Variants in PHACTR3 observed in about 807,000 individuals in gnomAD.
PHACTR3 encodes protein phosphatase 1, regulatory subunit 123.
PHACTR3 carries 16 observed loss-of-function variants against 66.8 expected under a neutral mutation model. The observed-to-expected ratio is 0.24, with a 90% CI of 0.16 to 0.36. The LOEUF (loss-of-function observed/expected upper bound fraction) is 0.36, where lower values mean the gene tolerates loss of function less well. Among genes scored for constraint, PHACTR3 ranks in the 10% least tolerant of loss-of-function variants. The probability of loss-of-function intolerance (pLI) is 1.00; values close to 1 mark genes in which losing one functional copy is unlikely to be tolerated. For synonymous variants in PHACTR3, 323 were observed against 292.1 expected (o/e 1.11, Z -1.08); for missense variants, 647 against 719.9 (o/e 0.90, Z 1.16).
chr20:59,798,979 T>C lies in PHACTR3; in HGVS notation c.1175-7062T>C, dbSNP rs1361279. On this transcript the variant is annotated intron_variant, in intron 7 of 12. Transcript: ENST00000371015. ...TTTCCCTGTTACCATTATTTTGATA[T>C]ATTGTATTTTCATTTGTTTCAAAAC... 6.5e-3 allele frequency among the ~76,000 whole-genome samples: 985 copies of C among 152,282 alleles called. 11 individuals carry two copies. Among genetic ancestry groups the C allele is most frequent in the African/African-American group, 0.022 (922 of 41,596 alleles).
intron 1 of PHACTR3, among the ~76,000 whole-genome samples, chr20:59,677,459 T>C (rs1008762006): frequency 4.6e-5 from 7 of 152,186 alleles, no homozygotes; most frequent in Non-Finnish European, 1.0e-4. Flanking sequence ...AAGTTGGATG[T>C]CTGGAGTTGG....
intron 1 of PHACTR3, among the ~76,000 whole-genome samples, chr20:59,742,695 ACT>A (rs1297788853): frequency 6.6e-6 from 1 of 151,962 alleles, no homozygotes; most frequent in Non-Finnish European, 1.5e-5. Flanking sequence ...GAAGGTAAAG[ACT>A]CTGGACAAAG....
chr20:59,728,955 TAAG>T (rs1434041714), intron 1 of PHACTR3, among the ~76,000 whole-genome samples: 2 of 152,086 alleles, frequency 1.3e-5, no homozygotes, highest in Admixed American at 6.6e-5. Context: ...ACCCAAGTGA[TAAG>T]AAGGAGGCAG....
At position 59,847,399 on chromosome 20, in the gene PHACTR3, T is replaced by A. The variant is rs1194288441; in HGVS notation, c.*269T>A. 1 of 340,146 alleles carries A rather than the reference T, an allele frequency of 2.9e-6. No homozygotes were observed. Among genetic ancestry groups the A allele is most frequent in the African/African-American group, 2.0e-5 (1 of 49,198 alleles). 21.1% of individuals were successfully genotyped at this position (340,146 alleles called of 1,614,324 possible). A position where few individuals can be genotyped will look rare whatever the true frequency, so the allele number is the denominator to read the frequency against. On this transcript the variant is annotated 3_prime_UTR_variant, in exon 13 of 13. Coordinates refer to ENST00000371015, the MANE Select transcript of PHACTR3 (RefSeq NM_080672.5). ...CATAACTCTATCAGAAGAAAACTGTTGTTTGCCTTTCAACCTTGTTTTACA... is the reference window on the plus strand; with the variant it reads ...CATAACTCTATCAGAAGAAAACTGTAGTTTGCCTTTCAACCTTGTTTTACA...
chr20:59,758,777 C>G (rs544506494), intron 4 of PHACTR3, among the ~76,000 whole-genome samples: 1 of 152,162 alleles, frequency 6.6e-6, no homozygotes, highest in Non-Finnish European at 1.5e-5. Flanking sequence ...TTGAGACACA[C>G]GGCTGAACTC....
intron 1 of PHACTR3, among the ~76,000 whole-genome samples, chr20:59,735,973 G>A (rs945167857): frequency 6.6e-6 from 1 of 152,078 alleles, no homozygotes; most frequent in African/African-American, 2.4e-5. Flanking sequence ...AGCTCTGTGT[G>A]GCTGTTGATG....
At chr20:59,596,044 C>T (rs1158178397) in intron 1 of PHACTR3, among the ~76,000 whole-genome samples, 3 of 152,214 alleles carry the variant, frequency 2.0e-5, no homozygotes, top group African/African-American at 7.2e-5. Flanking sequence ...ATCCCAAAGC[C>T]GCCTCGTGTC....
chr20:59,835,281 G>C (rs867453352), intron 8 of PHACTR3, among the ~76,000 whole-genome samples: 33 of 150,596 alleles, frequency 2.2e-4, no homozygotes, highest in African/African-American at 6.3e-4. Context: ...AATTGTCAGG[G>C]GGGGAGGTTC....
chr20:59,703,780 A>G (rs1009341668), intron 1 of PHACTR3, among the ~76,000 whole-genome samples: 14 of 152,196 alleles, frequency 9.2e-5, no homozygotes, highest in African/African-American at 2.4e-4. Flanking sequence ...TCATTGCTCT[A>G]TAGAGAGTAC....
At chr20:59,685,132 T>C (rs1219894602) in intron 1 of PHACTR3, among the ~76,000 whole-genome samples, 1 of 152,124 alleles carries the variant, frequency 6.6e-6, no homozygotes, top group Non-Finnish European at 1.5e-5. Context: ...ACTGTCCTGC[T>C]CTTGGGGCCC....
upstream of PHACTR3, among the ~76,000 whole-genome samples, chr20:59,602,488 A>G (rs558918967): frequency 6.6e-6 from 1 of 152,074 alleles, no homozygotes; most frequent in African/African-American, 2.4e-5. Flanking sequence ...AATATGTTTA[A>G]GTGCAAAGAG....
At chr20:59,784,107 G>A (rs6027102) in intron 7 of PHACTR3, among the ~76,000 whole-genome samples, 19,270 of 152,108 alleles carry the variant, frequency 0.13, 2,544 homozygotes, top group East Asian at 0.39. Flanking sequence ...GGGGCTTTGA[G>A]TGGCCCTCTC....
chr20:59,781,908 G>A (rs1188526847), intron 7 of PHACTR3, among the ~76,000 whole-genome samples: 2 of 152,154 alleles, frequency 1.3e-5, no homozygotes, highest in Admixed American at 1.3e-4. Flanking sequence ...AGTCAGCTAG[G>A]CGGTACAAGA....
chr20:59,722,839 G>C (rs371040314), intron 1 of PHACTR3, among the ~76,000 whole-genome samples: 2 of 151,984 alleles, frequency 1.3e-5, no homozygotes, highest in Non-Finnish European at 2.9e-5. Flanking sequence ...GGGGCATGGG[G>C]GTGGTGGTGA....
chr20:59,741,028 C>A (rs1568767316), intron 1 of PHACTR3, among the ~76,000 whole-genome samples: 1 of 152,218 alleles, frequency 6.6e-6, no homozygotes, highest in Non-Finnish European at 1.5e-5. Context: ...TAATCCCCGG[C>A]CCCTTGGACA....
At chr20:59,599,682 C>T (rs191853066), upstream of PHACTR3, among the ~76,000 whole-genome samples, 263 of 149,272 alleles carry the variant, frequency 1.8e-3, no homozygotes, top group Non-Finnish European at 2.7e-3. Flanking sequence ...AAATAGTTAA[C>T]TAGAAAACAA....
At chr20:59,705,993 A>G (rs1330872942) in intron 1 of PHACTR3, among the ~76,000 whole-genome samples, 1 of 152,182 alleles carries the variant, frequency 6.6e-6, no homozygotes, top group Non-Finnish European at 1.5e-5. Context: ...GTGAGCAGAA[A>G]GAGCCCACAC....
At chr20:59,685,644 A>G (rs1461567345) in intron 1 of PHACTR3, among the ~76,000 whole-genome samples, 1 of 152,074 alleles carries the variant, frequency 6.6e-6, no homozygotes, top group Non-Finnish European at 1.5e-5. Context: ...TCGTCAGACC[A>G]TCTCCCACCT....
At chr20:59,799,909 T>G (rs1001089976) in intron 7 of PHACTR3, among the ~76,000 whole-genome samples, 6 of 152,182 alleles carry the variant, frequency 3.9e-5, no homozygotes, top group Non-Finnish European at 8.8e-5. Flanking sequence ...GATTGAGTGA[T>G]TCTTTTATTC....
Sources: allele counts gnomAD v4.1 joint callset (sites outside exome capture counted in the v4.1 genomes callset), GRCh38; gene constraint gnomAD v4.1.1; transcripts MANE v1.5; gene names NCBI Gene and HGNC (gene_info 2026-07-23, HGNC 2026-07-21).